Variants in UBR1 observed in about 807,000 individuals in gnomAD.
UBR1 encodes the protein E3 ubiquitin-protein ligase UBR1.
Under a neutral mutation model 242.1 loss-of-function variants are expected in UBR1, and 102 were observed. That is an observed-to-expected ratio of 0.42 (90% CI 0.36 to 0.50). UBR1 has a LOEUF of 0.50. Among genes scored for constraint, UBR1 ranks in the 20% least tolerant of loss-of-function variants. UBR1 has a pLI of 0.01. For synonymous variants in UBR1, 675 were observed against 684.8 expected (o/e 0.99, Z 0.22); for missense variants, 1,772 against 2,101.8 (o/e 0.84, Z 3.07).
chr15:43,029,991 T>C lies in UBR1; in HGVS notation c.2332A>G (p.Ile778Val), dbSNP rs766428995. 4.3e-6 allele frequency: 7 copies of C among 1,614,020 alleles called. No individual in the cohort carries two copies. Among genetic ancestry groups the C allele is most frequent in the Non-Finnish European group, 5.9e-6 (7 of 1,180,000 alleles). ...TMREIIHLLC[I>V]EPMPHSAIAK... ...ATGGCACTGTGTGGCATGGGTTCAA[T>C]GCAAAGCAAGTGAATGATTTCTCTC... The change falls in exon 21 of 47, where the codon ATT becomes GTT. Residue 778 changes from isoleucine (I) to valine (V), a missense_variant. This residue lies in a region of UBR1 where 73 missense variants were observed against 128.9 expected (regional missense o/e 0.57). Coordinates refer to ENST00000290650, the MANE Select transcript of UBR1 (RefSeq NM_174916.3).
chr15:42,968,655 A>T (rs1050748771), intron 40 of UBR1, among the ~76,000 whole-genome samples: 1 of 152,032 alleles, frequency 6.6e-6, no homozygotes, highest in Non-Finnish European at 1.5e-5. Flanking sequence ...ATTTTTCCTA[A>T]TGCTATCCCT....
chr15:43,013,066 C>A (rs1018979128), intron 29 of UBR1, among the ~76,000 whole-genome samples: 3 of 152,130 alleles, frequency 2.0e-5, no homozygotes, highest in Non-Finnish European at 2.9e-5. Context: ...TCACCACACC[C>A]GGCTAATTTT....
Position 42,970,514 on chromosome 15 carries a change from AC to A in UBR1, c.4457+5del. On this transcript the variant is annotated splice_donor_5th_base_variant and intron_variant, in intron 40 of 46. Transcript: ENST00000290650. The stretch of plus-strand genomic sequence containing the variant: ...CAATAGACTGAACTAATGGATTGTT[AC>A]TCACCCACTTGTATATTGAGAAATT... The A allele has an allele frequency of 6.2e-7, 1 of 1,611,860 alleles. No individual in the cohort carries two copies. Among genetic ancestry groups the A allele is most frequent in the Non-Finnish European group, 8.5e-7 (1 of 1,178,768 alleles).
intron 38 of UBR1, among the ~76,000 whole-genome samples, chr15:42,977,622 G>T (rs1012386255): frequency 1.3e-5 from 2 of 150,314 alleles, no homozygotes; most frequent in Non-Finnish European, 2.9e-5. Context: ...GAAAAGGCTT[G>T]TCTGTACAGA....
At chr15:42,966,087 G>C in intron 41 of UBR1, 66 bp downstream of exon 41, 1 of 1,609,110 alleles carries the variant, frequency 6.2e-7, no homozygotes, top group South Asian at 1.1e-5. Flanking sequence ...TTGTATTCAT[G>C]AGCTTGAAGG....
intron 4 of UBR1, among the ~76,000 whole-genome samples, chr15:43,073,697 A>C (rs372013122): frequency 1.3e-5 from 2 of 152,178 alleles, no homozygotes; most frequent in Non-Finnish European, 2.9e-5. Context: ...GATTCAATCA[A>C]TTATATTGGT....
chr15:42,998,936 G>C (rs200318719), intron 32 of UBR1, among the ~76,000 whole-genome samples: 1 of 117,638 alleles, frequency 8.5e-6, no homozygotes, highest in Admixed American at 1.0e-4. Flanking sequence ...TGGAGCCTTT[G>C]CTTTTTTTTT....
intron 31 of UBR1, chr15:43,003,468 C>G (rs1446433227): frequency 6.2e-6 from 2 of 321,234 alleles, no homozygotes; most frequent in East Asian, 8.4e-5. Flanking sequence ...GTTGGCCAGG[C>G]TGGTCTCAAA....
At chr15:43,104,849 T>TA (rs1040289338) in intron 1 of UBR1, among the ~76,000 whole-genome samples, 220 of 150,614 alleles carry the variant, frequency 1.5e-3, no homozygotes, top group African/African-American at 5.3e-3. Context: ...AAAATAAAAA[T>TA]AAAAAAAATT....
intron 15 of UBR1, among the ~76,000 whole-genome samples, chr15:43,042,653 G>A (rs1245084429): frequency 2.0e-5 from 3 of 152,148 alleles, no homozygotes; most frequent in African/African-American, 7.2e-5. Context: ...TGTAGAAAAT[G>A]TGAATATACT....
At chr15:43,077,647 AAAAAAAAAAAAATCTGAG>A (rs2033923597) in intron 3 of UBR1, among the ~76,000 whole-genome samples, 1 of 146,212 alleles carries the variant, frequency 6.8e-6, no homozygotes, top group Non-Finnish European at 1.5e-5. Flanking sequence ...ATGATCAATT[AAAAAAAAAAAAATCTGAG>A]AAAAAAAAAA....
In UBR1 at chr15:42,943,464, A is replaced by T. The variant is rs938021416; in HGVS notation, c.*1865T>A. On this transcript the variant is annotated 3_prime_UTR_variant, in exon 47 of 47. Transcript: ENST00000290650. Reference sequence around the variant, plus strand: ...GCAAAAATCTGAATCAATCTCAATCAGTGGAACGCAATATGAAATGGGTTC... The same window carrying T: ...GCAAAAATCTGAATCAATCTCAATCTGTGGAACGCAATATGAAATGGGTTC... 13 of 152,624 alleles carry T rather than the reference A, an allele frequency of 8.5e-5. No individual in the cohort carries two copies. Among genetic ancestry groups the T allele is most frequent in the Non-Finnish European group, 1.6e-4 (11 of 68,044 alleles). The allele number at this position is 152,624 out of a possible 1,614,324, so 9.5% of individuals were successfully genotyped here.
chr15:42,976,598 T>G (rs2032291985), intron 39 of UBR1, 119 bp downstream of exon 39: 1 of 1,296,334 alleles, frequency 7.7e-7, no homozygotes, highest in Non-Finnish European at 1.1e-6. Flanking sequence ...AGATAATCAT[T>G]CAACAAAAAA....
intron 12 of UBR1, among the ~76,000 whole-genome samples, chr15:43,049,431 C>T (rs1475338817): frequency 5.9e-5 from 9 of 151,992 alleles, no homozygotes; most frequent in South Asian, 2.1e-4. Context: ...GGCGTGGTGG[C>T]GGGTGCCTGT....
intron 1 of UBR1, among the ~76,000 whole-genome samples, chr15:43,099,332 C>CA (rs61577748): frequency 6.6e-6 from 1 of 150,456 alleles, no homozygotes; most frequent in African/African-American, 2.4e-5. Context: ...TCCAAAAAAA[C>CA]AAAAAAAAAA....
intron 12 of UBR1, among the ~76,000 whole-genome samples, chr15:43,053,476 T>G (rs1187303615): frequency 6.6e-6 from 1 of 152,208 alleles, no homozygotes; most frequent in Non-Finnish European, 1.5e-5. Context: ...AACATGTAAG[T>G]TTTGCATAAT....
Position 43,036,635 on chromosome 15 carries a change from T to C in UBR1, c.2023-42A>G, listed in dbSNP as rs753396247. The C allele has an allele frequency of 9.5e-6, 13 of 1,369,222 alleles. No homozygotes were observed. The South Asian group carries it at 1.5e-4, about 16-fold the overall frequency. The allele number at this position is 1,369,222 out of a possible 1,614,324, so 84.8% of individuals were successfully genotyped here. A position where few individuals can be genotyped will look rare whatever the true frequency, so the allele number is the denominator to read the frequency against. ...AGAATAAATCCTAAAAGAATTATTT[T>C]ATTTCAAGCAAAATTCTCAAGAAAA... On this transcript the variant is annotated intron_variant, in intron 17 of 46. Coordinates refer to ENST00000290650, the MANE Select transcript of UBR1 (RefSeq NM_174916.3).
intron 15 of UBR1, among the ~76,000 whole-genome samples, chr15:43,042,019 A>T (rs981289904): frequency 6.6e-6 from 1 of 152,176 alleles, no homozygotes; most frequent in African/African-American, 2.4e-5. Flanking sequence ...CTGGGGGGGA[A>T]AAAAGGAGAA....
At chr15:43,027,191 T>C (rs2033189438) in intron 22 of UBR1, among the ~76,000 whole-genome samples, 1 of 152,104 alleles carries the variant, frequency 6.6e-6, no homozygotes, top group Non-Finnish European at 1.5e-5. Context: ...TTGGTTTCTA[T>C]CCAATCTCTA....
Sources: allele counts gnomAD v4.1 joint callset (sites outside exome capture counted in the v4.1 genomes callset), GRCh38; gene constraint gnomAD v4.1.1; regional missense constraint gnomAD v4.1.1; transcripts MANE v1.5; gene names NCBI Gene and HGNC (gene_info 2026-07-23, HGNC 2026-07-21).